TAPT1: variants seen among roughly 807,000 people sequenced by gnomAD.
The protein encoded by TAPT1 is transmembrane anterior posterior transformation protein 1 homolog.
A neutral mutation model predicts 65.6 loss-of-function variants in TAPT1; 28 were observed. The observed-to-expected ratio is 0.43, with a 90% confidence interval of 0.32 to 0.59. TAPT1 has a LOEUF of 0.59. TAPT1 is among the 20% of genes least tolerant of loss of function. The pLI, the probability that TAPT1 is intolerant of heterozygous loss-of-function variation, is 0.09. For synonymous variants in TAPT1, 278 were observed against 245.2 expected (o/e 1.13, Z -1.25); for missense variants, 563 against 679.9 (o/e 0.83, Z 1.91).
chr4:16,205,529 T>C (rs35931597), intron 2 of TAPT1, among the ~76,000 whole-genome samples: 65,674 of 151,980 alleles, frequency 0.43, 14,730 homozygotes, highest in African/African-American at 0.55. Context: ...ACAAACCGCA[T>C]GCTAAGTGCC....
chr4:16,227,127 G>T (rs1374390178), upstream of TAPT1: 1 of 455,690 alleles, frequency 2.2e-6, no homozygotes, highest in South Asian at 1.5e-5. Flanking sequence ...GTGTCCTTTG[G>T]CAGTTTCCAA....
intron 1 of TAPT1, among the ~76,000 whole-genome samples, chr4:16,225,043 T>G (rs1578495208): frequency 6.6e-6 from 1 of 152,246 alleles, no homozygotes; most frequent in African/African-American, 2.4e-5. Context: ...CTTACTGAGA[T>G]CCTGCCAATG....
intron 1 of TAPT1, among the ~76,000 whole-genome samples, chr4:16,220,959 C>G (rs748994446): frequency 1.3e-5 from 2 of 151,674 alleles, no homozygotes; most frequent in African/African-American, 2.4e-5. Flanking sequence ...GTCTTGAACT[C>G]CTAGGCTCAA....
At chr4:16,212,883 T>C (rs915555692) in intron 2 of TAPT1, among the ~76,000 whole-genome samples, 3 of 152,206 alleles carry the variant, frequency 2.0e-5, no homozygotes, top group Admixed American at 6.5e-5. Flanking sequence ...ATTAAACTGA[T>C]AGACTATCAG....
intron 2 of TAPT1, among the ~76,000 whole-genome samples, chr4:16,205,711 AG>A: frequency 6.6e-6 from 1 of 152,122 alleles, no homozygotes; most frequent in Non-Finnish European, 1.5e-5. Context: ...GGCAGTAAAG[AG>A]GACCGAATTT....
intron 5 of TAPT1, among the ~76,000 whole-genome samples, chr4:16,187,788 A>C (rs1749109501): frequency 6.6e-6 from 1 of 152,172 alleles, no homozygotes; most frequent in Non-Finnish European, 1.5e-5. Context: ...TAAAACCACC[A>C]AAACTCCTCC....
intron 3 of TAPT1, among the ~76,000 whole-genome samples, chr4:16,197,869 A>G (rs1307533726): frequency 6.6e-6 from 1 of 152,162 alleles, no homozygotes; most frequent in African/African-American, 2.4e-5. Flanking sequence ...TTTTAAGTCT[A>G]CAACAAAATA....
chr4:16,191,126 G>C, intron 4 of TAPT1: 1 of 405,800 alleles, frequency 2.5e-6, no homozygotes, highest in Non-Finnish European at 4.4e-6. Flanking sequence ...GTGTGTCCCA[G>C]ACCAGCAGCA....
chr4:16,169,200 C>G (rs1326379201), intron 12 of TAPT1, among the ~76,000 whole-genome samples: 2 of 152,122 alleles, frequency 1.3e-5, no homozygotes, highest in Non-Finnish European at 1.5e-5. Context: ...AGAAGTGAGG[C>G]GACATGGGAG....
intron 1 of TAPT1, among the ~76,000 whole-genome samples, chr4:16,223,727 A>T (rs1163297084): frequency 1.3e-5 from 2 of 152,250 alleles, no homozygotes; most frequent in Non-Finnish European, 2.9e-5. Flanking sequence ...TCATACAGAC[A>T]AATATACATA....
intron 3 of TAPT1, among the ~76,000 whole-genome samples, chr4:16,197,753 T>C (rs1046651386): frequency 6.6e-6 from 1 of 152,222 alleles, no homozygotes; most frequent in African/African-American, 2.4e-5. Context: ...GTTCAAGAAG[T>C]TTCTCAAATG....
chr4:16,225,380 G>C (rs1751490247), intron 1 of TAPT1, among the ~76,000 whole-genome samples: 2 of 152,194 alleles, frequency 1.3e-5, no homozygotes, highest in Non-Finnish European at 2.9e-5. Flanking sequence ...TTGGACAACA[G>C]AAGTAATTTT....
At chr4:16,222,902 A>T (rs1751337604) in intron 1 of TAPT1, among the ~76,000 whole-genome samples, 1 of 152,188 alleles carries the variant, frequency 6.6e-6, no homozygotes, top group Non-Finnish European at 1.5e-5. Flanking sequence ...TAGAAACAAT[A>T]TGTTCACCTA....
intron 1 of TAPT1, among the ~76,000 whole-genome samples, chr4:16,221,312 G>T (rs910778953): frequency 1.3e-5 from 2 of 151,808 alleles, no homozygotes; most frequent in Non-Finnish European, 2.9e-5. Flanking sequence ...TTTTAGTAGA[G>T]ACAGGGTTTC....
intron 7 of TAPT1, among the ~76,000 whole-genome samples, chr4:16,185,527 C>G (rs926068768): frequency 1.3e-5 from 2 of 152,222 alleles, no homozygotes; most frequent in Non-Finnish European, 2.9e-5. Flanking sequence ...CGCCACCACA[C>G]CCAGCTAATT....
At chr4:16,220,108 C>T (rs1442865913) in intron 1 of TAPT1, among the ~76,000 whole-genome samples, 2 of 152,206 alleles carry the variant, frequency 1.3e-5, no homozygotes, top group Admixed American at 6.5e-5. Context: ...TTCAGTGTTT[C>T]GCTTGTTTTT....
intron 11 of TAPT1, among the ~76,000 whole-genome samples, chr4:16,171,915 T>C (rs192400387): frequency 3.1e-4 from 47 of 152,306 alleles, no homozygotes; most frequent in African/African-American, 1.1e-3. Flanking sequence ...TATAAAATCA[T>C]TTTACGACCC....
chr4:16,167,392 A>G (rs1747712568), intron 12 of TAPT1, among the ~76,000 whole-genome samples: 1 of 152,234 alleles, frequency 6.6e-6, no homozygotes, highest in Non-Finnish European at 1.5e-5. Flanking sequence ...CATTTAGCAC[A>G]TGCAGTTGAA....
At chr4:16,195,921 T>C (rs1749682893) in intron 3 of TAPT1, among the ~76,000 whole-genome samples, 1 of 152,234 alleles carries the variant, frequency 6.6e-6, no homozygotes, top group Admixed American at 6.5e-5. Context: ...TGCATAGTTA[T>C]TTCAAATCAG....
Sources: allele counts gnomAD v4.1 joint callset (sites outside exome capture counted in the v4.1 genomes callset), GRCh38; gene constraint gnomAD v4.1.1; transcripts MANE v1.5; gene names NCBI Gene and HGNC (gene_info 2026-07-23, HGNC 2026-07-21).